MMADHC: variants seen among roughly 807,000 people sequenced by gnomAD.
The protein encoded by MMADHC is cobalamin trafficking protein CblD.
A neutral mutation model predicts 36.3 loss-of-function variants in MMADHC; 23 were observed. The observed-to-expected ratio is 0.63, with a 90% CI of 0.46 to 0.90. MMADHC has a LOEUF of 0.90. Among genes scored for constraint, MMADHC ranks in the 40% least tolerant of loss-of-function variants. The probability of loss-of-function intolerance (pLI) is 0.00; values close to 1 mark genes in which losing one functional copy is unlikely to be tolerated. For missense variants in MMADHC, 330 were observed against 348.0 expected, an observed-to-expected ratio of 0.95 and a Z score of 0.41; for synonymous variants, 97 against 116.1, an observed-to-expected ratio of 0.84 and a Z score of 1.06.
chr2:149,585,424 T>G (rs1682853090), intron 2 of MMADHC, among the ~76,000 whole-genome samples: 1 of 152,248 alleles, frequency 6.6e-6, no homozygotes, highest in East Asian at 1.9e-4. Context: ...TGGTAGTTTA[T>G]GTAGTGCATC....
rs760332707 is a variant in MMADHC, at chr2:149,575,830, G to A, written c.490C>T (p.Leu164=). Residue 164 remains leucine, a synonymous_variant, in exon 6 of 8, where the codon CTG becomes TTG. Coordinates refer to ENST00000303319, the MANE Select transcript of MMADHC (RefSeq NM_015702.3). ...PELLRKDFES[L]FPEVANGKLM... ...TTGCCATTAGCTACTTCTGGAAACA[G>A]TGATTCAAAATCTACAAATAAGAAT... 1 of 1,600,728 alleles carries A rather than the reference G, an allele frequency of 6.2e-7. No homozygotes were observed. Among genetic ancestry groups the A allele is most frequent in the South Asian group, 1.1e-5 (1 of 90,072 alleles).
chr2:149,570,258 T>C, intron 7 of MMADHC, 90 bp from the exon 8 acceptor site: 1 of 1,066,166 alleles, frequency 9.4e-7, no homozygotes, highest in Non-Finnish European at 1.4e-6. Flanking sequence ...TCTACTTTAA[T>C]ACTCCAAATA....
At chr2:149,584,201 A>T (rs950126398) in intron 2 of MMADHC, among the ~76,000 whole-genome samples, 2 of 152,214 alleles carry the variant, frequency 1.3e-5, no homozygotes, top group Non-Finnish European at 2.9e-5. Flanking sequence ...AAAGGAATCT[A>T]AAATTTCAAA....
Position 149,582,210 on chromosome 2 carries a change from C to G in MMADHC, c.71G>C (p.Arg24Thr), listed in dbSNP as rs1206729629. Residue 24 changes from arginine to threonine, a missense_variant, in exon 3 of 8, where the codon AGG becomes ACG. Physicochemically the swap from Arg to Thr is moderately conservative, Grantham distance 71 (BLOSUM62 -1). Coordinates refer to ENST00000303319, the MANE Select transcript of MMADHC (RefSeq NM_015702.3). The part of the protein sequence containing the change: ...YLPGFCSLVK[R>T]VVNPKAFSTA... ...CGAAAAGGCTTTGGGATTGACAACC[C>G]TTTTAACTAAAGAGCAAAATCCTGG... 6.2e-7 allele frequency: 1 copy of G among 1,613,906 alleles called. No homozygotes were observed. The highest frequency in any genetic ancestry group is 8.5e-7 in the Non-Finnish European group (1 of 1,179,866).
intron 4 of MMADHC, among the ~76,000 whole-genome samples, chr2:149,577,591 A>T (rs1358690775): frequency 1.3e-5 from 2 of 152,182 alleles, no homozygotes; most frequent in Admixed American, 1.3e-4. Context: ...CTGAGGCACG[A>T]GAATTGCTTG....
chr2:149,587,700 G>C lies in MMADHC; in HGVS notation c.-89C>G, dbSNP rs976064078. 1.3e-5 allele frequency: 2 copies of C among 152,994 alleles called. No individual in the cohort carries two copies. The highest frequency in any genetic ancestry group is 2.9e-5 in the Non-Finnish European group (2 of 68,506). 9.5% of individuals were successfully genotyped at this position (152,994 alleles called of 1,614,324 possible). On this transcript the variant is annotated 5_prime_UTR_variant, in exon 1 of 8. Coordinates refer to ENST00000303319, the MANE Select transcript of MMADHC (RefSeq NM_015702.3). ...ACTGTCTCCAGCTGTCCCAGAACCGGACTCTTCCTGCCATCAAAATGGCGG... is the reference window on the plus strand; with the variant it reads ...ACTGTCTCCAGCTGTCCCAGAACCGCACTCTTCCTGCCATCAAAATGGCGG...
chr2:149,571,896 T>C (rs1682645944), intron 6 of MMADHC, among the ~76,000 whole-genome samples: 1 of 152,220 alleles, frequency 6.6e-6, no homozygotes, highest in Non-Finnish European at 1.5e-5. Context: ...TACTTGTTTG[T>C]GTGTCCTTCA....
intron 6 of MMADHC, among the ~76,000 whole-genome samples, chr2:149,574,608 T>C (rs1186795004): frequency 1.3e-5 from 2 of 152,170 alleles, no homozygotes; most frequent in African/African-American, 4.8e-5. Flanking sequence ...ACAGCTTATA[T>C]ACTAGAACAG....
chr2:149,577,477 A>G (rs185608533), intron 4 of MMADHC, among the ~76,000 whole-genome samples: 24 of 152,310 alleles, frequency 1.6e-4, no homozygotes, highest in African/African-American at 4.8e-4. Context: ...TTCAGCATTA[A>G]GAAATTTGGA....
chr2:149,579,321 T>C (rs1682760749), intron 4 of MMADHC, 110 bp downstream of exon 4: 3 of 1,027,252 alleles, frequency 2.9e-6, no homozygotes, highest in Non-Finnish European at 4.4e-6. Context: ...ATACATGTAC[T>C]GGAATTAAAT....
At chr2:149,570,919 A>C (rs1682629169) in intron 7 of MMADHC, among the ~76,000 whole-genome samples, 166 bp downstream of exon 7, 1 of 152,210 alleles carries the variant, frequency 6.6e-6, no homozygotes, top group African/African-American at 2.4e-5. Flanking sequence ...TGAGTGATAG[A>C]GGTCTCTCAA....
At position 149,579,451 on chromosome 2, in the gene MMADHC, G is replaced by A. The variant is rs2105048127; in HGVS notation, c.352C>T (p.Gln118Ter). The change falls in exon 4 of 8, where the codon CAA becomes TAA. Residue 118 changes from glutamine to a stop codon, truncating the protein, a stop_gained. Transcript: ENST00000303319. LOFTEE classifies it high-confidence loss of function. ...TTTACCTGAAATTCATTCACATATT[G>A]TGCCATCACAAACTCATGTCTTTCA... Reference protein sequence around the residue: ...SSERHEFVMAQYVNEFQGNDA... With the variant: ...SSERHEFVMA 1.2e-6 allele frequency: 2 copies of A among 1,611,774 alleles called. No homozygotes were observed. The highest frequency in any genetic ancestry group is 1.7e-6 in the Non-Finnish European group (2 of 1,179,644).
At chr2:149,574,218 A>G (rs1682682733) in intron 6 of MMADHC, among the ~76,000 whole-genome samples, 1 of 152,170 alleles carries the variant, frequency 6.6e-6, no homozygotes, top group Non-Finnish European at 1.5e-5. Context: ...TACATGTGAC[A>G]ATATACTAGC....
chr2:149,576,017 T>C (rs1242987329), intron 5 of MMADHC, among the ~76,000 whole-genome samples, 176 bp from the exon 6 acceptor site: 1 of 152,218 alleles, frequency 6.6e-6, no homozygotes, highest in Non-Finnish European at 1.5e-5. Context: ...TCACTTAGTT[T>C]TGTTTACTTC....
At chr2:149,585,562 G>A (rs1279040136) in intron 2 of MMADHC, among the ~76,000 whole-genome samples, 1 of 152,190 alleles carries the variant, frequency 6.6e-6, no homozygotes, top group African/African-American at 2.4e-5. Flanking sequence ...AAACTCAGAA[G>A]ATCTGGCAGT....
At chr2:149,578,950 ATTGT>A (rs1404967056) in intron 4 of MMADHC, among the ~76,000 whole-genome samples, 1 of 150,700 alleles carries the variant, frequency 6.6e-6, no homozygotes, top group Admixed American at 6.6e-5. Context: ...ACCTTAATAA[ATTGT>A]TTAAGAAAAA....
chr2:149,573,271 A>G (rs1682670197), intron 6 of MMADHC, among the ~76,000 whole-genome samples: 1 of 152,118 alleles, frequency 6.6e-6, no homozygotes, highest in Admixed American at 6.6e-5. Context: ...CAAACAACAA[A>G]AAACCCAGGA....
intron 2 of MMADHC, among the ~76,000 whole-genome samples, chr2:149,582,693 T>A (rs1470371547): frequency 6.6e-6 from 1 of 152,218 alleles, no homozygotes; most frequent in Non-Finnish European, 1.5e-5. Context: ...TTTACTGCTA[T>A]AAATTGCGCT....
chr2:149,580,890 G>C (rs955205347), intron 3 of MMADHC, among the ~76,000 whole-genome samples: 1 of 152,154 alleles, frequency 6.6e-6, no homozygotes, highest in African/African-American at 2.4e-5. Context: ...AATAGGTCTG[G>C]AGTGGGGCTC....
Sources: allele counts gnomAD v4.1 joint callset (sites outside exome capture counted in the v4.1 genomes callset), GRCh38; gene constraint gnomAD v4.1.1; transcripts MANE v1.5; gene names NCBI Gene and HGNC (gene_info 2026-07-23, HGNC 2026-07-21).